COL26A1: variants seen among roughly 807,000 people sequenced by gnomAD.
The protein encoded by COL26A1 is collagen alpha-1(XXVI) chain.
A neutral mutation model predicts 59.3 loss-of-function variants in COL26A1; 41 were observed. That is an observed-to-expected ratio of 0.69 (90% CI 0.54 to 0.90). COL26A1 has a LOEUF of 0.90. COL26A1 is among the 40% of genes least tolerant of loss of function. COL26A1 has a pLI of 0.00. For synonymous variants in COL26A1, 266 were observed against 256.0 expected (o/e 1.04, Z -0.37); for missense variants, 612 against 602.3 (o/e 1.02, Z -0.17).
At chr7:101,454,548 C>T (rs1043090789) in intron 3 of COL26A1, among the ~76,000 whole-genome samples, 6 of 151,994 alleles carry the variant, frequency 3.9e-5, no homozygotes, top group South Asian at 2.1e-4. Flanking sequence ...GGTGAGCCAC[C>T]GCACCCGGCC....
intron 1 of COL26A1, among the ~76,000 whole-genome samples, chr7:101,401,321 A>G (rs1372512260): frequency 6.6e-6 from 1 of 152,132 alleles, no homozygotes; most frequent in African/African-American, 2.4e-5. Context: ...ACCAGTGATG[A>G]TGAGGGTGAT....
At chr7:101,398,714 C>A (rs969396754) in intron 1 of COL26A1, among the ~76,000 whole-genome samples, 5 of 152,306 alleles carry the variant, frequency 3.3e-5, no homozygotes, top group African/African-American at 1.2e-4. Flanking sequence ...GCAATTCAGT[C>A]CCCTCCCCAG....
At chr7:101,373,602 G>A (rs1289308263) in intron 1 of COL26A1, among the ~76,000 whole-genome samples, 3 of 152,118 alleles carry the variant, frequency 2.0e-5, no homozygotes, top group Non-Finnish European at 4.4e-5. Flanking sequence ...GTGCACGTTT[G>A]CAGTTCTGAG....
chr7:101,554,590 A>G (rs1795927708), intron 11 of COL26A1, among the ~76,000 whole-genome samples: 1 of 149,714 alleles, frequency 6.7e-6, no homozygotes, highest in Admixed American at 6.7e-5. Context: ...AAAAAAAAAA[A>G]GTAATGAGAC....
intron 1 of COL26A1, among the ~76,000 whole-genome samples, chr7:101,414,594 C>T (rs1170270537): frequency 6.6e-6 from 1 of 152,108 alleles, no homozygotes; most frequent in Non-Finnish European, 1.5e-5. Flanking sequence ...CCTGCCACCA[C>T]ACCCGGCTAA....
chr7:101,542,932 A>C (rs931812655), intron 5 of COL26A1, among the ~76,000 whole-genome samples: 1 of 152,214 alleles, frequency 6.6e-6, no homozygotes, highest in Non-Finnish European at 1.5e-5. Flanking sequence ...GGCCCACGAA[A>C]GCGCATGCCT....
At chr7:101,373,659 G>C (rs988122688) in intron 1 of COL26A1, among the ~76,000 whole-genome samples, 1 of 152,180 alleles carries the variant, frequency 6.6e-6, no homozygotes, top group Non-Finnish European at 1.5e-5. Context: ...AGCTCCTGAA[G>C]CTGCTTTTAG....
At chr7:101,554,734 A>G (rs1795931069) in intron 11 of COL26A1, among the ~76,000 whole-genome samples, 1 of 152,012 alleles carries the variant, frequency 6.6e-6, no homozygotes, top group Non-Finnish European at 1.5e-5. Context: ...ACAAAGCAAG[A>G]CCTTGTCTCT....
chr7:101,487,318 C>G (rs1179357687), intron 3 of COL26A1, among the ~76,000 whole-genome samples: 1 of 152,028 alleles, frequency 6.6e-6, no homozygotes, highest in Non-Finnish European at 1.5e-5. Context: ...TTACCCTTTG[C>G]TCATGGCATG....
rs1458188871 is a variant in COL26A1 at position 101,541,994 on chromosome 7, TCTCA to T, written c.604+1949_604+1952del. Among the ~76,000 whole-genome samples the T allele has an allele frequency of 3.3e-5, 5 of 151,266 alleles. No individual in the cohort carries two copies. The East Asian group carries it at 7.8e-4, about 24-fold the overall frequency. On this transcript the variant is annotated intron_variant, in intron 5 of 12. Transcript: ENST00000313669. ...TATAATTTTTTTTTTTGACATGGAG[TCTCA>T]CTCTATCACTCAGGCTGGAGTGCAG... is the stretch of plus-strand genomic sequence containing the variant.
chr7:101,391,094 A>G (rs1017426387), intron 1 of COL26A1, among the ~76,000 whole-genome samples: 7 of 152,312 alleles, frequency 4.6e-5, no homozygotes, highest in Non-Finnish European at 8.8e-5. Context: ...GAGCAGCGGA[A>G]GGAAAGGGGG....
rs761145243 is a variant in COL26A1, at chr7:101,539,918, G to A, written c.473G>A (p.Arg158Gln). Residue 158 changes from arginine (R) to glutamine (Q), a missense_variant, in exon 5 of 13, where the codon CGG (arginine) becomes CAG (glutamine). Physicochemically the swap from Arg to Gln is conservative, Grantham distance 43. Coordinates refer to ENST00000313669, the MANE Select transcript of COL26A1 (RefSeq NM_001278563.3). ...GTCCTCCTGCTAGAAGCAGCAGAAC[G>A]GCCCTCCAGCCCGGACAACGACCTG... ...AKVLLLEAAE[R>Q]PSSPDNDLPA... The A allele has an allele frequency of 7.4e-6, 12 of 1,612,824 alleles. No homozygotes were observed. Among genetic ancestry groups the A allele is most frequent in the Admixed American group, 3.3e-5 (2 of 59,726 alleles).
At chr7:101,410,009 C>A (rs145069362) in intron 1 of COL26A1, among the ~76,000 whole-genome samples, 2,603 of 152,274 alleles carry the variant, frequency 0.017, 67 homozygotes, top group African/African-American at 0.06. Flanking sequence ...ATCCACCCGC[C>A]TCAGCCTCCC....
intron 1 of COL26A1, among the ~76,000 whole-genome samples, chr7:101,389,706 A>T (rs1791680851): frequency 1.3e-5 from 2 of 152,104 alleles, no homozygotes; most frequent in Non-Finnish European, 1.5e-5. Flanking sequence ...GGCATGCGCC[A>T]CCATGCCCAG....
chr7:101,513,930 G>A (rs780068055), intron 3 of COL26A1, among the ~76,000 whole-genome samples: 5 of 152,252 alleles, frequency 3.3e-5, no homozygotes, highest in South Asian at 4.2e-4. Flanking sequence ...AACCTAATAG[G>A]AAAACGGGTC....
In COL26A1 at chr7:101,477,827, C is replaced by T. The variant is rs534692433; in HGVS notation, c.385+30040C>T. Among the ~76,000 whole-genome samples, 10 of 152,232 alleles carry T rather than the reference C, an allele frequency of 6.6e-5. No homozygotes were observed. In the South Asian group the frequency reaches 1.0e-3, roughly 16 times the overall value. Reference sequence around the variant, plus strand: ...TTGCCATTGTGGGAGGGGTGTTCTGCGGTGTAGATGAGATTTTCTCAGCTT... The same window carrying T: ...TTGCCATTGTGGGAGGGGTGTTCTGTGGTGTAGATGAGATTTTCTCAGCTT... On this transcript the variant is annotated intron_variant, in intron 3 of 12. Coordinates refer to ENST00000313669, the MANE Select transcript of COL26A1 (RefSeq NM_001278563.3).
chr7:101,480,672 G>A (rs999796862), intron 3 of COL26A1, among the ~76,000 whole-genome samples: 1 of 151,852 alleles, frequency 6.6e-6, no homozygotes, highest in Non-Finnish European at 1.5e-5. Context: ...AGCTTTTTGG[G>A]GGGTATTTTT....
intron 3 of COL26A1, among the ~76,000 whole-genome samples, chr7:101,480,627 A>G (rs2130491094): frequency 6.6e-6 from 1 of 152,224 alleles, no homozygotes; most frequent in African/African-American, 2.4e-5. Context: ...CAGCCTCCCA[A>G]GTAGCTGGGA....
intron 10 of COL26A1, 27 bp downstream of exon 10, chr7:101,551,170 T>G: frequency 7.3e-7 from 1 of 1,378,176 alleles, no homozygotes; most frequent in Non-Finnish European, 9.4e-7. Context: ...CAGATGGGCC[T>G]GGGCCACTCC....
Sources: gnomAD v4.1 joint callset for allele counts (sites outside exome capture counted in the v4.1 genomes callset) on GRCh38, gnomAD v4.1.1 for gene constraint, MANE v1.5 for transcripts, NCBI Gene and HGNC (gene_info 2026-07-23, HGNC 2026-07-21) for gene names.